MYOF: variants seen among roughly 807,000 people sequenced by gnomAD.
MYOF encodes the protein myoferlin, also known as fer-1-like 3, myoferlin.
MYOF carries 244 observed loss-of-function variants against 284.2 expected under a neutral mutation model. That is an observed-to-expected ratio of 0.86 (90% CI 0.77 to 0.95). The LOEUF is 0.95. MYOF is among the 40% of genes least tolerant of loss of function. The pLI is 0.00. For missense variants in MYOF, 2,496 were observed against 2,560.6 expected (o/e 0.97, Z 0.54); for synonymous variants, 904 against 919.7 (o/e 0.98, Z 0.31).
Position 93,381,226 on chromosome 10 carries a change from T to C in MYOF, c.1869A>G (p.Val623=), listed in dbSNP as rs767680037. 4.3e-6 allele frequency: 7 copies of C among 1,614,034 alleles called. No homozygotes were observed. In the Admixed American group the frequency reaches 1.2e-4, roughly 27 times the overall value. ...LASTTQYSRA[V]FDGNYYYYLP... ...TGTTAGTGCCAATCTTACCATCAAATACAGCACGGCTGTACTGAGTTGTTG... is the reference window on the plus strand; with the variant it reads ...TGTTAGTGCCAATCTTACCATCAAACACAGCACGGCTGTACTGAGTTGTTG... Residue 623 remains valine, a synonymous_variant, in exon 20 of 54, where the codon GTA becomes GTG. Coordinates refer to ENST00000359263, the MANE Select transcript of MYOF (RefSeq NM_013451.4).
chr10:93,397,458 T>C lies in MYOF; in HGVS notation c.1222-2A>G. On this transcript the variant is annotated splice_acceptor_variant, in intron 13 of 53. Coordinates refer to ENST00000359263, the MANE Select transcript of MYOF (RefSeq NM_013451.4). LOFTEE classifies it high-confidence loss of function. ...TTTCTCAATTATGTTTGTACAAACC[T>C]GTAAAATCACCAAAGCAAAAGTGTA... is the stretch of plus-strand genomic sequence containing the variant. The C allele has an allele frequency of 6.2e-7, 1 of 1,603,422 alleles. No individual in the cohort carries two copies. The highest frequency in any genetic ancestry group is 8.5e-7 in the Non-Finnish European group (1 of 1,176,710).
intron 19 of MYOF, among the ~76,000 whole-genome samples, chr10:93,383,515 G>T (rs748078133): frequency 3.9e-5 from 6 of 152,120 alleles, no homozygotes; most frequent in Admixed American, 2.6e-4. Context: ...GGGAGGATTG[G>T]GGGTGCACGC....
intron 13 of MYOF, 49 bp downstream of exon 13, chr10:93,399,343 T>A (rs1204467378): frequency 7.1e-7 from 1 of 1,398,728 alleles, no homozygotes; most frequent in Non-Finnish European, 1.0e-6. Flanking sequence ...AGCACAGTAG[T>A]TTTAGATATT....
intron 17 of MYOF, among the ~76,000 whole-genome samples, chr10:93,391,887 G>A (rs2134044841): frequency 6.6e-6 from 1 of 152,208 alleles, no homozygotes; most frequent in Admixed American, 6.5e-5. Context: ...GTATGTTTTA[G>A]TTTCTAGAAT....
chr10:93,370,851 G>C (rs1423803698), intron 24 of MYOF, among the ~76,000 whole-genome samples: 1 of 145,238 alleles, frequency 6.9e-6, no homozygotes, highest in Non-Finnish European at 1.5e-5. Context: ...ATTCCAATTT[G>C]AGTATGGGGC....
chr10:93,409,876 T>C lies in MYOF; in HGVS notation c.434-137A>G. 3.8e-6 allele frequency: 4 copies of C among 1,039,892 alleles called. No homozygotes were observed. The South Asian group carries it at 6.0e-5, about 16-fold the overall frequency. 64.4% of individuals were successfully genotyped at this position (1,039,892 alleles called of 1,614,324 possible). On this transcript the variant is annotated intron_variant, in intron 5 of 53. Transcript: ENST00000359263. ...AAGTGGCAGGTGAAGGAGATCCTCTTGGTGACACTGACTTGGGACTTCTTG... is the reference window on the plus strand; with the variant it reads ...AAGTGGCAGGTGAAGGAGATCCTCTCGGTGACACTGACTTGGGACTTCTTG...
intron 4 of MYOF, among the ~76,000 whole-genome samples, chr10:93,427,530 C>CAAAAAAAAAAAAA (rs11293315): frequency 1.2e-5 from 1 of 81,856 alleles, no homozygotes; most frequent in Non-Finnish European, 2.3e-5. Context: ...GACTCCGTCT[C>CAAAAAAAAAAAAA]AAAAAAAAAA....
chr10:93,361,619 G>C (rs1392130298), intron 27 of MYOF, 62 bp from the exon 28 acceptor site: 16 of 1,509,132 alleles, frequency 1.1e-5, no homozygotes, highest in Non-Finnish European at 1.5e-5. Context: ...AAGAGGCAAA[G>C]GGTCCAATAT....
intron 1 of MYOF, among the ~76,000 whole-genome samples, chr10:93,477,479 C>G (rs1241239775): frequency 1.5e-5 from 1 of 68,054 alleles, no homozygotes; most frequent in African/African-American, 4.5e-5. Context: ...GCAACAAGAG[C>G]GAAACTCTGT....
At chr10:93,431,843 A>G (rs1848889766) in intron 3 of MYOF, among the ~76,000 whole-genome samples, 1 of 149,702 alleles carries the variant, frequency 6.7e-6, no homozygotes, top group Non-Finnish European at 1.5e-5. Context: ...CCTCCCAGGT[A>G]CAAGTGATTC....
At chr10:93,357,407 A>G (rs1162416442) in intron 29 of MYOF, among the ~76,000 whole-genome samples, 1 of 152,206 alleles carries the variant, frequency 6.6e-6, no homozygotes, top group African/African-American at 2.4e-5. Flanking sequence ...TACCAGTGGT[A>G]TCAGTTTTCA....
intron 5 of MYOF, among the ~76,000 whole-genome samples, chr10:93,410,322 C>T (rs984732715): frequency 3.3e-5 from 5 of 152,282 alleles, no homozygotes; most frequent in East Asian, 1.9e-4. Flanking sequence ...TTAACACACA[C>T]GTGTCCCCTC....
chr10:93,363,987 G>C lies in MYOF; in HGVS notation c.2842C>G (p.Pro948Ala). 6.2e-7 allele frequency: 1 copy of C among 1,614,158 alleles called. No individual in the cohort carries two copies. The highest frequency in any genetic ancestry group is 8.5e-7 in the Non-Finnish European group (1 of 1,180,038). Residue 948 changes from proline (P) to alanine (A), a missense_variant, in exon 27 of 54, where the codon CCG becomes GCG. Pro to Ala is a conservative substitution (Grantham distance 27). Transcript: ENST00000359263. ...ESRYPGGDWK[P>A]AEDTYTDANG... ...GCATCCGTGTAGGTGTCCTCGGCCG[G>C]CTTCCAGTCGCCCCCGGGGTAGCGG...
chr10:93,463,110 C>T (rs2056922480), intron 1 of MYOF, among the ~76,000 whole-genome samples: 2 of 152,192 alleles, frequency 1.3e-5, no homozygotes. Flanking sequence ...CTCAGTTCTG[C>T]GGAGGTCACC....
chr10:93,394,873 A>G (rs977348067), intron 16 of MYOF, among the ~76,000 whole-genome samples: 1 of 150,482 alleles, frequency 6.6e-6, no homozygotes, highest in African/African-American at 2.4e-5. Context: ...CTAATACTAT[A>G]TATACATACA....
intron 43 of MYOF, among the ~76,000 whole-genome samples, chr10:93,330,469 G>A (rs1479824078): frequency 6.6e-6 from 1 of 152,176 alleles, no homozygotes; most frequent in Non-Finnish European, 1.5e-5. Flanking sequence ...GGAGGGGAGT[G>A]AGTGTGATTC....
intron 16 of MYOF, among the ~76,000 whole-genome samples, chr10:93,394,767 C>T (rs114953541): frequency 0.04 from 5,944 of 149,126 alleles, 402 homozygotes; most frequent in African/African-American, 0.14. Flanking sequence ...GCCACCACCT[C>T]GTCTTCTGAT....
At chr10:93,364,731 G>C (rs1416019658) in intron 26 of MYOF, among the ~76,000 whole-genome samples, 1 of 152,166 alleles carries the variant, frequency 6.6e-6, no homozygotes, top group Non-Finnish European at 1.5e-5. Context: ...AAGTTACAGA[G>C]GCTCCAACTT....
At chr10:93,393,802 T>C (rs1487778613) in intron 16 of MYOF, among the ~76,000 whole-genome samples, 3 of 152,218 alleles carry the variant, frequency 2.0e-5, no homozygotes, top group Admixed American at 1.3e-4. Flanking sequence ...TCCTTCTGCT[T>C]CTCATCTCTA....
Sources: allele counts gnomAD v4.1 joint callset (sites outside exome capture counted in the v4.1 genomes callset), GRCh38; gene constraint gnomAD v4.1.1; transcripts MANE v1.5; gene names NCBI Gene and HGNC (gene_info 2026-07-23, HGNC 2026-07-21).